The following TRAPPC12 variants were observed in gnomAD, a reference collection of about 807,000 sequenced individuals.
TRAPPC12 encodes the protein TPR repeat protein 15.
TRAPPC12 carries 61 observed loss-of-function variants against 69.2 expected under a neutral mutation model. That is an observed-to-expected ratio of 0.88 (90% CI 0.72 to 1.09). The LOEUF (loss-of-function observed/expected upper bound fraction) is 1.09. Ranked by LOEUF, TRAPPC12 falls within the 50% of genes least tolerant of loss-of-function variation. The pLI, the probability that TRAPPC12 is intolerant of heterozygous loss-of-function variation, is 0.00. For missense variants in TRAPPC12, 1,101 were observed against 1,016.4 expected, an observed-to-expected ratio of 1.08 and a Z score of -1.13; for synonymous variants, 469 against 438.9, an observed-to-expected ratio of 1.07 and a Z score of -0.86.
intron 1 of TRAPPC12, among the ~76,000 whole-genome samples, chr2:3,384,899 A>C (rs1275560126): frequency 6.6e-6 from 1 of 152,182 alleles, no homozygotes; most frequent in African/African-American, 2.4e-5. Context: ...TTGTAGGAAG[A>C]CTTAACTACT....
At chr2:3,444,061 T>C (rs1664377568) in intron 6 of TRAPPC12, among the ~76,000 whole-genome samples, 170 bp downstream of exon 6, 1 of 152,252 alleles carries the variant, frequency 6.6e-6, no homozygotes, top group Non-Finnish European at 1.5e-5. Flanking sequence ...TCGTGTCTCT[T>C]GCTGAAATCT....
At position 3,421,906 on chromosome 2, in the gene TRAPPC12, T is replaced by C. The variant is rs765294663; in HGVS notation, c.1190T>C (p.Val397Ala). Residue 397 changes from valine (V) to alanine (A), a missense_variant, in exon 4 of 12, where the codon GTG becomes GCG. Val to Ala is a moderately conservative substitution (Grantham distance 64, BLOSUM62 0). Coordinates refer to ENST00000324266, the MANE Select transcript of TRAPPC12 (RefSeq NM_016030.6). Reference protein sequence around the residue: ...LISCRNWRAAVDLCGRLLTAH... With the variant: ...LISCRNWRAAADLCGRLLTAH... ...AGCTGCAGAAACTGGAGGGCAGCAG[T>C]GGACCTGTGCGGACGTCTCCTCACA... The C allele has an allele frequency of 2.5e-6, 4 of 1,613,770 alleles. No individual in the cohort carries two copies. The Admixed American group carries it at 6.7e-5, about 27-fold the overall frequency.
chr2:3,412,601 G>A (rs1662125732), intron 3 of TRAPPC12, among the ~76,000 whole-genome samples: 1 of 152,178 alleles, frequency 6.6e-6, no homozygotes, highest in Admixed American at 6.5e-5. Flanking sequence ...GTTGGTTTGA[G>A]GGTGCTCATC....
intron 4 of TRAPPC12, 84 bp downstream of exon 4, chr2:3,422,078 A>G (rs554541639): frequency 1.9e-6 from 2 of 1,033,410 alleles, no homozygotes; most frequent in East Asian, 2.6e-5. Flanking sequence ...TTTCATGCCA[A>G]TAACAAAAAG....
intron 3 of TRAPPC12, among the ~76,000 whole-genome samples, chr2:3,408,647 A>G (rs1661864340): frequency 6.6e-6 from 1 of 152,136 alleles, no homozygotes; most frequent in African/African-American, 2.4e-5. Flanking sequence ...TTAAAAAAAA[A>G]TAATAATAAC....
chr2:3,471,552 G>T lies in TRAPPC12; in HGVS notation c.1776+5857G>T, dbSNP rs961584481. 9.9e-5 allele frequency among the ~76,000 whole-genome samples: 15 copies of T among 152,184 alleles called. 1 individual carries two copies. The highest frequency in any genetic ancestry group is 8.3e-4 in the South Asian group (4 of 4,826). The stretch of plus-strand genomic sequence containing the variant: ...CCTCCACACAGCAAGGGGGCTGGGG[G>T]TTAGGAGGAGAGAGAATGGGGCCCA... On this transcript the variant is annotated intron_variant, in intron 9 of 11. Transcript: ENST00000324266.
intron 3 of TRAPPC12, among the ~76,000 whole-genome samples, chr2:3,417,776 C>T (rs759232241): frequency 1.3e-5 from 2 of 152,142 alleles, no homozygotes. Flanking sequence ...GGCGTGATGG[C>T]TCACGCCTGT....
chr2:3,477,521 A>G (rs1044888974), intron 9 of TRAPPC12, among the ~76,000 whole-genome samples, 174 bp from the exon 10 acceptor site: 3 of 152,222 alleles, frequency 2.0e-5, no homozygotes, highest in African/African-American at 7.2e-5. Context: ...ATTCCACTGT[A>G]TCTTAAATGT....
intron 8 of TRAPPC12, among the ~76,000 whole-genome samples, chr2:3,464,073 C>T (rs1665661604): frequency 6.6e-6 from 1 of 152,172 alleles, no homozygotes. Context: ...ACCTCAGCCG[C>T]CCCGAGTGCC....
At chr2:3,442,601 A>G (rs1664282701) in intron 5 of TRAPPC12, among the ~76,000 whole-genome samples, 1 of 152,244 alleles carries the variant, frequency 6.6e-6, no homozygotes. Context: ...TTTAAGTTCA[A>G]TAATTGTTAC....
Position 3,477,739 on chromosome 2 carries a change from G to A in TRAPPC12, c.1821G>A (p.Glu607=). The A allele has an allele frequency of 6.2e-7, 1 of 1,608,608 alleles. No homozygotes were observed. Reference sequence around the variant, plus strand: ...CTGAAAAGTATTTTCAAGACGTTGAGAAAGTAACACAGAAATTAGATGGAC... The same window carrying A: ...CTGAAAAGTATTTTCAAGACGTTGAAAAAGTAACACAGAAATTAGATGGAC... ...KTAEKYFQDV[E]KVTQKLDGLQ... The change falls in exon 10 of 12, where the codon GAG becomes GAA. Residue 607 remains glutamate (E), a synonymous_variant. Coordinates refer to ENST00000324266, the MANE Select transcript of TRAPPC12 (RefSeq NM_016030.6).
intron 3 of TRAPPC12, among the ~76,000 whole-genome samples, chr2:3,405,895 C>A (rs960622540): frequency 2.0e-5 from 3 of 152,210 alleles, no homozygotes; most frequent in African/African-American, 7.2e-5. Context: ...AGTGAAGTTT[C>A]TCTTTTCTCT....
intron 11 of TRAPPC12, 33 bp from the exon 12 acceptor site, chr2:3,479,186 G>A: frequency 1.2e-6 from 2 of 1,601,140 alleles, no homozygotes; most frequent in South Asian, 1.1e-5. Context: ...TCCTGGTTGT[G>A]TGGGCCAACC....
intron 7 of TRAPPC12, among the ~76,000 whole-genome samples, chr2:3,459,626 A>G (rs9653595): frequency 0.039 from 5,977 of 152,314 alleles, 355 homozygotes; most frequent in African/African-American, 0.13. Flanking sequence ...GGGACGGGCC[A>G]GGCTCAGGGT....
At chr2:3,460,122 TC>T (rs772502115) in intron 7 of TRAPPC12, 140 bp from the exon 8 acceptor site, 13 of 735,948 alleles carry the variant, frequency 1.8e-5, no homozygotes, top group East Asian at 5.3e-5. Flanking sequence ...TGCAGCATAT[TC>T]AGCATTCCAG....
At chr2:3,409,671 G>C (rs1011245283) in intron 3 of TRAPPC12, among the ~76,000 whole-genome samples, 2 of 143,050 alleles carry the variant, frequency 1.4e-5, no homozygotes, top group Non-Finnish European at 3.0e-5. Flanking sequence ...GATTGCCAGA[G>C]CCCAGGCCGT....
chr2:3,390,239 T>C (rs1451447729), intron 2 of TRAPPC12, among the ~76,000 whole-genome samples: 1 of 152,212 alleles, frequency 6.6e-6, no homozygotes, highest in East Asian at 1.9e-4. Context: ...TTTCCATTTA[T>C]CAATCATGAT....
intron 5 of TRAPPC12, among the ~76,000 whole-genome samples, chr2:3,435,611 G>A (rs929074298): frequency 6.6e-6 from 1 of 152,190 alleles, no homozygotes; most frequent in Non-Finnish European, 1.5e-5. Flanking sequence ...GAGGATCTGA[G>A]CACAGCTCAG....
At chr2:3,465,486 C>A in intron 8 of TRAPPC12, 111 bp from the exon 9 acceptor site, 1 of 737,056 alleles carries the variant, frequency 1.4e-6, no homozygotes, top group Non-Finnish European at 2.3e-6. Flanking sequence ...GCTCCTGCGT[C>A]AGCGTGTCCT....
Sources: allele counts gnomAD v4.1 joint callset (sites outside exome capture counted in the v4.1 genomes callset), GRCh38; gene constraint gnomAD v4.1.1; transcripts MANE v1.5; gene names NCBI Gene and HGNC (gene_info 2026-07-23, HGNC 2026-07-21).